The following SP3 variants were observed in gnomAD, a reference collection of about 807,000 sequenced individuals.
SP3 encodes the protein transcription factor Sp3.
A neutral mutation model predicts 70.3 loss-of-function variants in SP3; 10 were observed. The ratio of observed to expected loss-of-function variants is 0.14; its 90% CI spans 0.09 to 0.24. The LOEUF is 0.24. Ranked by LOEUF, SP3 falls within the 10% of genes least tolerant of loss-of-function variation. SP3 has a pLI of 1.00. For synonymous variants in SP3, 402 were observed against 333.5 expected, an observed-to-expected ratio of 1.21 and a Z score of -2.24; for missense variants, 825 against 914.6, an observed-to-expected ratio of 0.90 and a Z score of 1.26.
intron 4 of SP3, among the ~76,000 whole-genome samples, chr2:173,943,672 G>T (rs1181737554): frequency 6.6e-6 from 1 of 152,210 alleles, no homozygotes; most frequent in South Asian, 2.1e-4. Context: ...TAAAAGTATT[G>T]TATTTGCTTA....
At position 173,955,535 on chromosome 2, in the gene SP3, T is replaced by C. The variant is rs747833722; in HGVS notation, c.977A>G (p.Asp326Gly). The stretch of plus-strand genomic sequence containing the variant: ...GGATGTTGGCACAAATAAATCTGTA[T>C]CAGTATTAGTTTCATTAATATCAGG... ...VSPDINETNT[D>G]TDLFVPTSSS... The change falls in exon 4 of 7, where the codon GAT becomes GGT. Residue 326 changes from aspartate (D) to glycine (G), a missense_variant. Asp to Gly is a moderately conservative substitution (Grantham distance 94). Coordinates refer to ENST00000310015, the MANE Select transcript of SP3 (RefSeq NM_003111.5). 1.9e-6 allele frequency: 3 copies of C among 1,613,998 alleles called. No homozygotes were observed. The highest frequency in any genetic ancestry group is 1.3e-5 in the African/African-American group (1 of 74,922).
chr2:173,943,894 A>G (rs187893414), intron 4 of SP3, among the ~76,000 whole-genome samples: 19 of 152,364 alleles, frequency 1.2e-4, no homozygotes, highest in African/African-American at 3.4e-4. Context: ...AGTCTACTAC[A>G]TATCTAGGCT....
intron 4 of SP3, among the ~76,000 whole-genome samples, chr2:173,932,372 T>G (rs778926124): frequency 6.6e-6 from 1 of 152,102 alleles, no homozygotes; most frequent in Non-Finnish European, 1.5e-5. Flanking sequence ...TTGTATTTTC[T>G]GTAGAGATGG....
chr2:173,915,420 A>T (rs1024580539), intron 5 of SP3: 2 of 152,188 alleles, frequency 1.3e-5, no homozygotes, highest in African/African-American at 4.8e-5. Context: ...AAAGTTCAGG[A>T]ATAAAAGATT....
chr2:173,906,479 T>C lies in SP3; in HGVS notation c.*3462A>G, dbSNP rs999211903. ...GGCAGTCAGTTTTAAACATACTGTTTAGTGAAAAATAATTCTTTTACAACA... is the reference window on the plus strand; with the variant it reads ...GGCAGTCAGTTTTAAACATACTGTTCAGTGAAAAATAATTCTTTTACAACA... On this transcript the variant is annotated 3_prime_UTR_variant, in exon 7 of 7. Coordinates refer to ENST00000310015, the MANE Select transcript of SP3 (RefSeq NM_003111.5). The C allele has an allele frequency of 2.6e-5, 4 of 152,208 alleles. No individual in the cohort carries two copies. The highest frequency in any genetic ancestry group is 4.4e-5 in the Non-Finnish European group (3 of 68,032). The allele number at this position is 152,208 out of a possible 1,614,324, so 9.4% of individuals were successfully genotyped here. A position where few individuals can be genotyped will look rare whatever the true frequency, so the allele number is the denominator to read the frequency against.
intron 3 of SP3, 117 bp downstream of exon 3, chr2:173,963,644 G>A (rs1691159540): frequency 1.5e-5 from 3 of 202,168 alleles, no homozygotes; most frequent in Non-Finnish European, 2.7e-5. Flanking sequence ...GGAGCCCAGC[G>A]GCCCGTGCGG....
At chr2:173,957,998 G>A (rs1354720168) in intron 3 of SP3, among the ~76,000 whole-genome samples, 4 of 151,940 alleles carry the variant, frequency 2.6e-5, no homozygotes, top group Non-Finnish European at 5.9e-5. Flanking sequence ...TTTCATTTCG[G>A]TCTCTTGGCA....
intron 4 of SP3, among the ~76,000 whole-genome samples, chr2:173,929,542 AAAG>A (rs1353732064): frequency 6.6e-6 from 1 of 152,236 alleles, no homozygotes; most frequent in African/African-American, 2.4e-5. Flanking sequence ...CTCCAGTTCA[AAAG>A]AAGAAAAGAA....
intron 4 of SP3, among the ~76,000 whole-genome samples, chr2:173,941,528 T>C (rs1364906190): frequency 4.6e-5 from 7 of 152,196 alleles, no homozygotes; most frequent in African/African-American, 1.7e-4. Context: ...TAAGGTCACC[T>C]GAGCCCGGAA....
At chr2:173,964,638 C>T in intron 1 of SP3, 85 bp from the exon 2 acceptor site, 2 of 604,354 alleles carry the variant, frequency 3.3e-6, no homozygotes, top group Non-Finnish European at 6.1e-6. Context: ...AGCGAAATTA[C>T]TCCCAAAGCC....
At position 173,956,389 on chromosome 2, in the gene SP3, A is replaced by G. The variant is rs16862221; in HGVS notation, c.280-157T>C. ...CAGGAGCAGTACTATATGAACTACAATAATTATCACTTCCAGTTTTGTTAC... is the reference window on the plus strand; with the variant it reads ...CAGGAGCAGTACTATATGAACTACAGTAATTATCACTTCCAGTTTTGTTAC... On this transcript the variant is annotated intron_variant, in intron 3 of 6. Transcript: ENST00000310015. Among the ~76,000 whole-genome samples the G allele has an allele frequency of 9.5e-3, 1,441 of 152,336 alleles. 27 individuals are homozygous for G. The highest frequency in any genetic ancestry group is 0.033 in the African/African-American group (1,362 of 41,554).
intron 3 of SP3, among the ~76,000 whole-genome samples, chr2:173,957,767 G>A (rs770874706): frequency 2.5e-4 from 38 of 152,254 alleles, no homozygotes; most frequent in Middle Eastern, 3.4e-3. Context: ...GAGACTGAAA[G>A]AAAGGGAGGA....
intron 4 of SP3, among the ~76,000 whole-genome samples, chr2:173,925,660 C>T (rs1689892407): frequency 6.6e-6 from 1 of 152,082 alleles, no homozygotes; most frequent in Admixed American, 6.6e-5. Context: ...TGGATAAAAT[C>T]CTCAATGTCA....
rs549256985 is a variant in SP3 at position 173,914,380 on chromosome 2, G to A, written c.1833-1114C>T. ...CTTTCTATAGCCTGTAAATCCTCCTGTATACAATACACCTATCGTTTTTCA... is the reference window on the plus strand; with the variant it reads ...CTTTCTATAGCCTGTAAATCCTCCTATATACAATACACCTATCGTTTTTCA... On this transcript the variant is annotated intron_variant, in intron 5 of 6. Coordinates refer to ENST00000310015, the MANE Select transcript of SP3 (RefSeq NM_003111.5). 4 of 151,670 alleles carry A rather than the reference G, an allele frequency of 2.6e-5. No individual in the cohort carries two copies. In the East Asian group the frequency reaches 7.7e-4, roughly 29 times the overall value. The allele number at this position is 151,670 out of a possible 1,614,324, so 9.4% of individuals were successfully genotyped here. A position where few individuals can be genotyped will look rare whatever the true frequency, so the allele number is the denominator to read the frequency against.
intron 5 of SP3, 47 bp downstream of exon 5, chr2:173,918,546 T>G: frequency 2.0e-6 from 3 of 1,516,412 alleles, no homozygotes; most frequent in Non-Finnish European, 2.7e-6. Context: ...AAAATCAGAA[T>G]GATATTAGCA....
At position 173,954,910 on chromosome 2, in the gene SP3, T is replaced by C. The variant is rs762652005; in HGVS notation, c.1602A>G (p.Ile534Met). The C allele has an allele frequency of 1.9e-6, 3 of 1,614,136 alleles. No homozygotes were observed. In the South Asian group the frequency reaches 3.3e-5, roughly 18 times the overall value. Residue 534 changes from isoleucine to methionine, a missense_variant, in exon 4 of 7, where the codon ATA (isoleucine) becomes ATG (methionine). Ile to Met is a conservative substitution (Grantham distance 10, BLOSUM62 1). Coordinates refer to ENST00000310015, the MANE Select transcript of SP3 (RefSeq NM_003111.5). ...CAGCATTCTCTCCTGGATGTAGCTGTATACCAGCAGAATCTATAGAGTTCA... is the reference window on the plus strand; with the variant it reads ...CAGCATTCTCTCCTGGATGTAGCTGCATACCAGCAGAATCTATAGAGTTCA... ...VTVNSIDSAG[I>M]QLHPGENADS...
In SP3 at chr2:173,901,280, C is replaced by A. The variant is rs1689185394; in HGVS notation, c.*8661G>T. Reference sequence around the variant, plus strand: ...AGAATTTCTTAAGACACAAAAGCCACAATTCAGATACAATAAAACTTCTGC... The same window carrying A: ...AGAATTTCTTAAGACACAAAAGCCAAAATTCAGATACAATAAAACTTCTGC... On this transcript the variant is annotated 3_prime_UTR_variant, in exon 7 of 7. Coordinates refer to ENST00000310015, the MANE Select transcript of SP3 (RefSeq NM_003111.5). 6.6e-6 allele frequency among the ~76,000 whole-genome samples: 1 copy of A among 152,140 alleles called. No individual in the cohort carries two copies. Among genetic ancestry groups the A allele is most frequent in the African/African-American group, 2.4e-5 (1 of 41,520 alleles).
At chr2:173,935,458 T>G (rs1690184352) in intron 4 of SP3, among the ~76,000 whole-genome samples, 1 of 152,128 alleles carries the variant, frequency 6.6e-6, no homozygotes, top group Admixed American at 6.5e-5. Context: ...AACTTTACAA[T>G]GCCAAATGTC....
chr2:173,954,820 C>G, intron 4 of SP3, 53 bp downstream of exon 4: 1 of 1,546,034 alleles, frequency 6.5e-7, no homozygotes, highest in Non-Finnish European at 8.8e-7. Context: ...AAAAATTTCC[C>G]TCTATGTATT....
Sources: gnomAD v4.1 joint callset for allele counts (sites outside exome capture counted in the v4.1 genomes callset) on GRCh38, gnomAD v4.1.1 for gene constraint, MANE v1.5 for transcripts, NCBI Gene and HGNC (gene_info 2026-07-23, HGNC 2026-07-21) for gene names.